The following TNFRSF11B variants were observed in gnomAD, a reference collection of about 807,000 sequenced individuals.
TNFRSF11B encodes TNF receptor superfamily member 11b.
TNFRSF11B carries 16 observed loss-of-function variants against 43.4 expected under a neutral mutation model. The observed-to-expected ratio is 0.37, with a 90% confidence interval of 0.25 to 0.56. The LOEUF is 0.56. TNFRSF11B is among the 20% of genes least tolerant of loss of function. The pLI, the probability that TNFRSF11B is intolerant of heterozygous loss-of-function variation, is 0.80. For synonymous variants in TNFRSF11B, 185 were observed against 181.8 expected (o/e 1.02, Z -0.14); for missense variants, 444 against 490.1 (o/e 0.91, Z 0.89).
intron 1 of TNFRSF11B, among the ~76,000 whole-genome samples, chr8:118,943,034 T>C (rs1292123448): frequency 6.6e-6 from 1 of 152,042 alleles, no homozygotes; most frequent in Non-Finnish European, 1.5e-5. Flanking sequence ...TCCCTTCCTC[T>C]CTCGTCCTAA....
chr8:118,926,448 G>T, intron 4 of TNFRSF11B, 46 bp downstream of exon 4: 1 of 1,476,010 alleles, frequency 6.8e-7, no homozygotes, highest in Non-Finnish European at 9.5e-7. Context: ...ATGATAAATA[G>T]GTGTCTTTGA....
chr8:118,931,893 C>T (rs1336157004), intron 2 of TNFRSF11B, among the ~76,000 whole-genome samples: 1 of 152,040 alleles, frequency 6.6e-6, no homozygotes, highest in Non-Finnish European at 1.5e-5. Context: ...CACCTGACGA[C>T]ATTTGACAGT....
chr8:118,950,232 A>T (rs1010619427), intron 1 of TNFRSF11B, among the ~76,000 whole-genome samples: 1 of 152,252 alleles, frequency 6.6e-6, no homozygotes, highest in Non-Finnish European at 1.5e-5. Flanking sequence ...AAGAATAAAA[A>T]TGTCCCCATA....
At chr8:118,933,838 T>G (rs958547315) in intron 1 of TNFRSF11B, among the ~76,000 whole-genome samples, 15 of 152,242 alleles carry the variant, frequency 9.9e-5, no homozygotes, top group Non-Finnish European at 1.9e-4. Context: ...ATTTATTCAT[T>G]TGACAAATAA....
At chr8:118,939,979 A>G (rs1812461455) in intron 1 of TNFRSF11B, among the ~76,000 whole-genome samples, 1 of 152,208 alleles carries the variant, frequency 6.6e-6, no homozygotes, top group African/African-American at 2.4e-5. Flanking sequence ...GTGCATATAC[A>G]CTATGGAATA....
At chr8:118,949,549 G>C (rs1812610736) in intron 1 of TNFRSF11B, among the ~76,000 whole-genome samples, 1 of 152,192 alleles carries the variant, frequency 6.6e-6, no homozygotes, top group African/African-American at 2.4e-5. Flanking sequence ...TCATTTCTCA[G>C]GTAAGTGGTG....
At chr8:118,936,872 A>G (rs3134054) in intron 1 of TNFRSF11B, among the ~76,000 whole-genome samples, 67,383 of 152,046 alleles carry the variant, frequency 0.44, 15,487 homozygotes, top group African/African-American at 0.57. Flanking sequence ...CTTTTAAAAA[A>G]AGAATTAAAT....
At chr8:118,931,528 A>G (rs574052532) in intron 2 of TNFRSF11B, among the ~76,000 whole-genome samples, 6 of 152,220 alleles carry the variant, frequency 3.9e-5, no homozygotes, top group Non-Finnish European at 7.4e-5. Context: ...CTTTTATCTG[A>G]TGGGATTCCA....
chr8:118,937,379 A>G (rs1048675888), intron 1 of TNFRSF11B, among the ~76,000 whole-genome samples: 22 of 152,126 alleles, frequency 1.4e-4, no homozygotes, highest in South Asian at 2.1e-4. Flanking sequence ...ACTCTTTACC[A>G]ACCTCCCCTC....
In TNFRSF11B at chr8:118,928,829, A is replaced by G. The variant is rs747270017; in HGVS notation, c.501T>C (p.Ser167=). ...KAPCRKHTNC[S]VFGLLLTQKG... is the part of the protein sequence containing the mutation. ...TCTGAGTTAGCAGGAGACCAAAGACACTGCAATTTGTGTGTTTTCTACAGG... is the reference window on the plus strand; with the variant it reads ...TCTGAGTTAGCAGGAGACCAAAGACGCTGCAATTTGTGTGTTTTCTACAGG... Residue 167 remains serine (S), a synonymous_variant, in exon 3 of 5, where the codon AGT becomes AGC. Coordinates refer to ENST00000297350, the MANE Select transcript of TNFRSF11B (RefSeq NM_002546.4). 1 of 1,614,168 alleles carries G rather than the reference A, an allele frequency of 6.2e-7. No individual in the cohort carries two copies. Among genetic ancestry groups the G allele is most frequent in the South Asian group, 1.1e-5 (1 of 91,084 alleles).
intron 1 of TNFRSF11B, among the ~76,000 whole-genome samples, chr8:118,934,510 A>C (rs570358534): frequency 6.6e-6 from 1 of 152,306 alleles, no homozygotes; most frequent in Non-Finnish European, 1.5e-5. Context: ...AGGCCTGTGC[A>C]GTAGGGGAAA....
chr8:118,946,299 G>A (rs562877834), intron 1 of TNFRSF11B, among the ~76,000 whole-genome samples: 3 of 152,154 alleles, frequency 2.0e-5, no homozygotes, highest in Non-Finnish European at 4.4e-5. Flanking sequence ...CCAGGTAAAT[G>A]TGAGAGAGAG....
chr8:118,951,767 C>T, intron 1 of TNFRSF11B, 25 bp downstream of exon 1: 1 of 1,580,392 alleles, frequency 6.3e-7, no homozygotes, highest in Non-Finnish European at 8.6e-7. Flanking sequence ...GCGCCGGGCA[C>T]CCGTCGGCTG....
chr8:118,929,375 T>G (rs11573920), intron 2 of TNFRSF11B, among the ~76,000 whole-genome samples: 1 of 152,246 alleles, frequency 6.6e-6, no homozygotes, highest in African/African-American at 2.4e-5. Flanking sequence ...TTCCAATCAG[T>G]TCCTACTGAA....
At chr8:118,935,559 C>A (rs540066963) in intron 1 of TNFRSF11B, among the ~76,000 whole-genome samples, 12 of 126,060 alleles carry the variant, frequency 9.5e-5, no homozygotes, top group African/African-American at 3.2e-4. Context: ...TATAATGGGA[C>A]AACTTTCAGG....
chr8:118,946,893 T>C (rs1812570309), intron 1 of TNFRSF11B, among the ~76,000 whole-genome samples: 1 of 152,188 alleles, frequency 6.6e-6, no homozygotes, highest in Non-Finnish European at 1.5e-5. Context: ...AAATGAACAC[T>C]TGATGTCCAA....
intron 1 of TNFRSF11B, among the ~76,000 whole-genome samples, chr8:118,941,341 T>A (rs2129912975): frequency 6.6e-6 from 1 of 152,300 alleles, no homozygotes; most frequent in South Asian, 2.1e-4. Flanking sequence ...TGTCTCTAGG[T>A]AAGGCAGGAA....
At chr8:118,948,996 G>A (rs1320531397) in intron 1 of TNFRSF11B, among the ~76,000 whole-genome samples, 2 of 152,134 alleles carry the variant, frequency 1.3e-5, no homozygotes, top group Admixed American at 6.5e-5. Context: ...GCTTTGAGAA[G>A]TTCAATGGAT....
chr8:118,950,790 TTA>T (rs1245674862), intron 1 of TNFRSF11B, among the ~76,000 whole-genome samples: 2 of 152,218 alleles, frequency 1.3e-5, no homozygotes, highest in African/African-American at 4.8e-5. Flanking sequence ...ATTTACTTAT[TTA>T]TGTTTCTGTA....
Sources: allele counts gnomAD v4.1 joint callset (sites outside exome capture counted in the v4.1 genomes callset), GRCh38; gene constraint gnomAD v4.1.1; transcripts MANE v1.5; gene names NCBI Gene and HGNC (gene_info 2026-07-23, HGNC 2026-07-21).